The following PCDH15 variants were observed in gnomAD, a reference collection of about 807,000 sequenced individuals.
PCDH15 encodes protocadherin-15.
Under a neutral mutation model 178.5 loss-of-function variants are expected in PCDH15, and 129 were observed. The observed-to-expected ratio is 0.72, with a 90% CI of 0.63 to 0.84. The LOEUF is 0.84. Among genes scored for constraint, PCDH15 ranks in the 40% least tolerant of loss-of-function variants. PCDH15 has a pLI of 0.00. For synonymous variants in PCDH15, 800 were observed against 732.0 expected, an observed-to-expected ratio of 1.09 and a Z score of -1.50; for missense variants, 2,230 against 2,099.9, an observed-to-expected ratio of 1.06 and a Z score of -1.21.
At chr10:54,058,685 T>C (rs1195943179) in intron 18 of PCDH15, among the ~76,000 whole-genome samples, 1 of 91,906 alleles carries the variant, frequency 1.1e-5, no homozygotes, top group Non-Finnish European at 2.2e-5. Flanking sequence ...CATATTTCTT[T>C]CTTTCTTTCT....
chr10:54,585,840 G>A (rs2091425523), intron 2 of PCDH15, among the ~76,000 whole-genome samples: 1 of 152,080 alleles, frequency 6.6e-6, no homozygotes, highest in Admixed American at 6.6e-5. Flanking sequence ...CTCATTAAAT[G>A]AAAAATAATA....
At chr10:54,255,389 G>A (rs2056819107) in intron 8 of PCDH15, among the ~76,000 whole-genome samples, 1 of 152,068 alleles carries the variant, frequency 6.6e-6, no homozygotes, top group African/African-American at 2.4e-5. Context: ...TCTTCACTTA[G>A]AACTTTCTTA....
chr10:53,840,319 C>T lies in PCDH15; in HGVS notation c.3983+1G>A. 1 of 1,613,950 alleles carries T rather than the reference C, an allele frequency of 6.2e-7. No individual in the cohort carries two copies. The highest frequency in any genetic ancestry group is 8.5e-7 in the Non-Finnish European group (1 of 1,179,810). ...TGTTACAGATAACAAAAAGCACTTA[C>T]TTAAAAAGCTCATTTCTATCGATGG... is the stretch of plus-strand genomic sequence containing the variant. On this transcript the variant is annotated splice_donor_variant, in intron 29 of 37. Coordinates refer to ENST00000644397, the MANE Select transcript of PCDH15 (RefSeq NM_001384140.1). LOFTEE classifies it high-confidence loss of function.
At chr10:54,564,937 T>C (rs1165561615) in intron 2 of PCDH15, among the ~76,000 whole-genome samples, 1 of 152,060 alleles carries the variant, frequency 6.6e-6, no homozygotes, top group East Asian at 1.9e-4. Context: ...TGGAAAAAAA[T>C]GAACATTTAA....
At chr10:55,035,978 C>CT (rs1232194271) in intron 2 of PCDH15, among the ~76,000 whole-genome samples, 2 of 152,030 alleles carry the variant, frequency 1.3e-5, no homozygotes, top group Non-Finnish European at 2.9e-5. Flanking sequence ...GTACACCTTG[C>CT]TACGGTTTGA....
chr10:54,741,269 AAACT>A (rs1944774618), intron 1 of PCDH15, among the ~76,000 whole-genome samples: 1 of 151,274 alleles, frequency 6.6e-6, no homozygotes, highest in Admixed American at 6.6e-5. Flanking sequence ...TTAATATATA[AAACT>A]AATACATATA....
intron 1 of PCDH15, among the ~76,000 whole-genome samples, chr10:54,780,368 C>T (rs1950238031): frequency 1.3e-5 from 2 of 152,156 alleles, no homozygotes; most frequent in Admixed American, 1.3e-4. Context: ...GAGATGTCAG[C>T]ATTAGCTAGC....
chr10:54,752,492 C>CAAACAAAAAAAAAAAAAAA (rs1946421754), intron 1 of PCDH15, among the ~76,000 whole-genome samples: 1 of 67,784 alleles, frequency 1.5e-5, no homozygotes, highest in Non-Finnish European at 3.3e-5. Context: ...AAAAAAAAAA[C>CAAACAAAAAAAAAAAAAAA]AAAAAACAAA....
intron 1 of PCDH15, among the ~76,000 whole-genome samples, chr10:54,732,098 A>G (rs1943487885): frequency 2.0e-5 from 3 of 151,412 alleles, no homozygotes; most frequent in Non-Finnish European, 4.4e-5. Flanking sequence ...TTGGAAAAAA[A>G]AATTAAAAAT....
At chr10:54,891,095 G>GC (rs1474664236) in intron 3 of PCDH15, among the ~76,000 whole-genome samples, 4 of 152,018 alleles carry the variant, frequency 2.6e-5, no homozygotes, top group Non-Finnish European at 4.4e-5. Flanking sequence ...GGAAATAGAG[G>GC]ACATGGTTGA....
intron 1 of PCDH15, among the ~76,000 whole-genome samples, chr10:55,193,306 T>A (rs1839995398): frequency 6.6e-6 from 1 of 151,942 alleles, no homozygotes; most frequent in Non-Finnish European, 1.5e-5. Flanking sequence ...TAACACAATA[T>A]GTTCATTTAC....
chr10:55,042,430 A>G (rs576099028), intron 2 of PCDH15, among the ~76,000 whole-genome samples: 9 of 152,166 alleles, frequency 5.9e-5, no homozygotes, highest in Non-Finnish European at 1.2e-4. Flanking sequence ...AGTATACAGC[A>G]TATAGTGAGA....
chr10:54,369,330 T>C (rs1290995288), intron 4 of PCDH15, 55 bp from the exon 5 acceptor site: 1 of 1,526,618 alleles, frequency 6.6e-7, no homozygotes, highest in East Asian at 2.3e-5. Context: ...AAGCTTCTCA[T>C]CACTGTCAAA....
chr10:55,139,959 T>C (rs1838302145), intron 2 of PCDH15, among the ~76,000 whole-genome samples: 1 of 151,982 alleles, frequency 6.6e-6, no homozygotes, highest in African/African-American at 2.4e-5. Flanking sequence ...AAAATTTCAT[T>C]ATTTTAGCAT....
At chr10:55,468,758 A>C (rs965599468) in intron 2 of PCDH15, among the ~76,000 whole-genome samples, 1 of 152,188 alleles carries the variant, frequency 6.6e-6, no homozygotes, top group African/African-American at 2.4e-5. Flanking sequence ...CAAGCCAATT[A>C]ATGTACTAAC....
At chr10:53,821,206 TAAGCATACTACTAAATC>T in intron 32 of PCDH15, 1 of 964,218 alleles carries the variant, frequency 1.0e-6, no homozygotes, top group African/African-American at 2.3e-5. Context: ...ATCAAATCCA[TAAGCATACTACTAAATC>T]CATAAGCATA....
At chr10:54,474,695 T>C (rs751840805) in intron 3 of PCDH15, among the ~76,000 whole-genome samples, 2 of 151,930 alleles carry the variant, frequency 1.3e-5, no homozygotes, top group Non-Finnish European at 2.9e-5. Context: ...CATAATTTAT[T>C]AACAAAACAC....
intron 3 of PCDH15, among the ~76,000 whole-genome samples, chr10:54,425,457 T>C (rs1442030785): frequency 1.3e-5 from 2 of 152,134 alleles, no homozygotes; most frequent in Non-Finnish European, 2.9e-5. Flanking sequence ...GACCTTGGAT[T>C]TCCAAGCCTC....
intron 2 of PCDH15, among the ~76,000 whole-genome samples, chr10:54,648,648 A>C (rs1370331052): frequency 2.0e-5 from 3 of 152,144 alleles, no homozygotes; most frequent in African/African-American, 7.2e-5. Flanking sequence ...AATACAGAGA[A>C]GAGTATTTCT....
Sources: allele counts gnomAD v4.1 joint callset (sites outside exome capture counted in the v4.1 genomes callset), GRCh38; gene constraint gnomAD v4.1.1; transcripts MANE v1.5; gene names NCBI Gene and HGNC (gene_info 2026-07-23, HGNC 2026-07-21).